MUSK: variants seen among roughly 807,000 people sequenced by gnomAD.
MUSK encodes muscle associated receptor tyrosine kinase.
In MUSK, 55 loss-of-function variants were observed where a neutral mutation model predicts 88.7. The ratio of observed to expected loss-of-function variants is 0.62; its 90% CI spans 0.50 to 0.78. The LOEUF (loss-of-function observed/expected upper bound fraction) is 0.78. MUSK is among the 30% of genes least tolerant of loss of function. The pLI, the probability that MUSK is intolerant of heterozygous loss-of-function variation, is 0.00. For synonymous variants in MUSK, 387 were observed against 391.9 expected (o/e 0.99, Z 0.15); for missense variants, 1,015 against 1,074.3 (o/e 0.94, Z 0.77).
chr9:110,694,621 C>CCCTCTGTAT (rs1361429857), intron 3 of MUSK, among the ~76,000 whole-genome samples: 1 of 152,016 alleles, frequency 6.6e-6, no homozygotes, highest in African/African-American at 2.4e-5. Context: ...TGCGAAGTCC[C>CCCTCTGTAT]CCTCTGTATC....
chr9:110,781,315 C>T lies in MUSK; in HGVS notation c.1385-3500C>T, dbSNP rs138039053. On this transcript the variant is annotated intron_variant, in intron 11 of 14. Transcript: ENST00000374448. ...TGTTTGAGACGGAGTCTCACTCTGTCGCCCAGGCTGGAGTGCAGTGGCACA... is the reference window on the plus strand; with the variant it reads ...TGTTTGAGACGGAGTCTCACTCTGTTGCCCAGGCTGGAGTGCAGTGGCACA... Among the ~76,000 whole-genome samples the T allele has an allele frequency of 3.2e-3, 482 of 152,074 alleles. 3 individuals carry two copies. The highest frequency in any genetic ancestry group is 0.01 in the African/African-American group (416 of 41,438).
chr9:110,770,234 A>T (rs908499003), intron 9 of MUSK, among the ~76,000 whole-genome samples: 1 of 149,036 alleles, frequency 6.7e-6, no homozygotes, highest in African/African-American at 2.4e-5. Flanking sequence ...TTACATGTTG[A>T]CATTGGCAAA....
intron 9 of MUSK, among the ~76,000 whole-genome samples, chr9:110,769,361 A>G (rs1046485927): frequency 6.6e-6 from 1 of 152,212 alleles, no homozygotes; most frequent in East Asian, 1.9e-4. Context: ...TAAGAGTAAT[A>G]TAATTTGTTT....
chr9:110,775,912 C>T lies in MUSK; in HGVS notation c.1309C>T (p.Leu437Phe). 6.2e-7 allele frequency: 1 copy of T among 1,614,018 alleles called. No individual in the cohort carries two copies. Residue 437 changes from leucine (L) to phenylalanine (F), a missense_variant, in exon 10 of 15, where the codon CTT (leucine) becomes TTT (phenylalanine). Coordinates refer to ENST00000374448, the MANE Select transcript of MUSK (RefSeq NM_005592.4). ...HLLSVPECSKLPSMHWDPTAC... is the reference protein window; with the variant it reads ...HLLSVPECSKFPSMHWDPTAC... ...GCTGTCCGTGCCAGAATGCAGCAAG[C>T]TTCCCAGCATGCATTGGGACCCCAC...
intron 7 of MUSK, among the ~76,000 whole-genome samples, chr9:110,755,699 C>T (rs1050786499): frequency 1.3e-5 from 2 of 151,924 alleles, no homozygotes; most frequent in African/African-American, 4.8e-5. Context: ...GGAGAGTAGA[C>T]AAAATGGGTC....
intron 11 of MUSK, among the ~76,000 whole-genome samples, chr9:110,777,363 C>A (rs1184788772): frequency 6.6e-6 from 1 of 152,072 alleles, no homozygotes; most frequent in Admixed American, 6.5e-5. Context: ...CATATTCCAG[C>A]CCTAATCTCC....
At chr9:110,671,280 G>A (rs1386469640) in intron 1 of MUSK, among the ~76,000 whole-genome samples, 2 of 152,054 alleles carry the variant, frequency 1.3e-5, no homozygotes, top group African/African-American at 2.4e-5. Context: ...TTATACTACT[G>A]AAACTAATAA....
intron 6 of MUSK, among the ~76,000 whole-genome samples, chr9:110,740,332 T>C (rs965495735): frequency 1.3e-5 from 2 of 152,158 alleles, no homozygotes; most frequent in African/African-American, 4.8e-5. Flanking sequence ...TGGTTTCTGG[T>C]AAGGCCTCTC....
rs572169228 is a variant in MUSK at position 110,693,610 on chromosome 9, T to C, written c.359-1793T>C. Reference sequence around the variant, plus strand: ...CATGTTCCCTTACAGTGGGGATCCATGGCTATGCGTCAATACCCTAGTCAT... The same window carrying C: ...CATGTTCCCTTACAGTGGGGATCCACGGCTATGCGTCAATACCCTAGTCAT... On this transcript the variant is annotated intron_variant, in intron 3 of 14. Coordinates refer to ENST00000374448, the MANE Select transcript of MUSK (RefSeq NM_005592.4). Among the ~76,000 whole-genome samples, 5 of 152,336 alleles carry C rather than the reference T, an allele frequency of 3.3e-5. No individual in the cohort carries two copies. The East Asian group carries it at 5.8e-4, about 18-fold the overall frequency.
chr9:110,688,128 G>A (rs182777660), intron 3 of MUSK, among the ~76,000 whole-genome samples: 1 of 151,788 alleles, frequency 6.6e-6, no homozygotes, highest in Non-Finnish European at 1.5e-5. Flanking sequence ...CTCTGATGAG[G>A]GCTTATGCCA....
chr9:110,800,044 G>C (rs1215882487), intron 14 of MUSK, among the ~76,000 whole-genome samples: 1 of 152,122 alleles, frequency 6.6e-6, no homozygotes, highest in Non-Finnish European at 1.5e-5. Context: ...TATGACAAGT[G>C]CCCAGGACAA....
intron 3 of MUSK, among the ~76,000 whole-genome samples, chr9:110,689,205 T>C (rs1223296518): frequency 5.2e-5 from 6 of 114,674 alleles, no homozygotes; most frequent in Non-Finnish European, 8.1e-5. Context: ...TATATATTCA[T>C]ATTTTATATA....
In MUSK at chr9:110,700,597, T is replaced by C. The variant is rs183497589; in HGVS notation, c.628+3131T>C. 1.1e-4 allele frequency among the ~76,000 whole-genome samples: 11 copies of C among 99,058 alleles called. No individual in the cohort carries two copies. The East Asian group carries it at 2.8e-3, about 25-fold the overall frequency. The allele number at this position is 99,058 out of a possible 152,430, so 65.0% of individuals were successfully genotyped here. A position where few individuals can be genotyped will look rare whatever the true frequency, so the allele number is the denominator to read the frequency against. On this transcript the variant is annotated intron_variant, in intron 5 of 14. Coordinates refer to ENST00000374448, the MANE Select transcript of MUSK (RefSeq NM_005592.4). ...AGCTATGTTTGGTGTGTAGATCACG[T>C]TGCATTGCAAGATTTCTCTTCGAAA...
intron 1 of MUSK, 68 bp from the exon 2 acceptor site, chr9:110,682,606 A>G (rs1374268198): frequency 6.5e-7 from 1 of 1,535,220 alleles, no homozygotes; most frequent in East Asian, 2.3e-5. Context: ...ATGGCTTCTG[A>G]CTGCTTAAGG....
intron 5 of MUSK, among the ~76,000 whole-genome samples, chr9:110,700,280 G>A (rs1056000521): frequency 6.6e-6 from 1 of 152,152 alleles, no homozygotes; most frequent in Non-Finnish European, 1.5e-5. Flanking sequence ...CCTATATTCT[G>A]CCATTTTAGG....
At chr9:110,713,800 T>A (rs924168172) in intron 5 of MUSK, among the ~76,000 whole-genome samples, 26 of 152,224 alleles carry the variant, frequency 1.7e-4, no homozygotes, top group African/African-American at 6.3e-4. Context: ...AAAATCTTAT[T>A]CTTAATAGAC....
intron 9 of MUSK, among the ~76,000 whole-genome samples, chr9:110,774,578 C>CA (rs1034032089): frequency 4.6e-5 from 7 of 151,994 alleles, no homozygotes; most frequent in South Asian, 4.1e-4. Context: ...TGTCTGCGTG[C>CA]AAAAAAATGT....
intron 5 of MUSK, among the ~76,000 whole-genome samples, chr9:110,726,209 C>T (rs137894584): frequency 3.3e-5 from 5 of 152,048 alleles, no homozygotes; most frequent in African/African-American, 1.2e-4. Flanking sequence ...TCTGGTAGAA[C>T]TTCTAAGCTT....
intron 5 of MUSK, among the ~76,000 whole-genome samples, chr9:110,716,612 T>C (rs2076746791): frequency 6.7e-6 from 1 of 150,094 alleles, no homozygotes; most frequent in African/African-American, 2.5e-5. Flanking sequence ...TTCTTGATAT[T>C]TGAAAAAAAT....
Sources: allele counts gnomAD v4.1 joint callset (sites outside exome capture counted in the v4.1 genomes callset), GRCh38; gene constraint gnomAD v4.1.1; transcripts MANE v1.5; gene names NCBI Gene and HGNC (gene_info 2026-07-23, HGNC 2026-07-21).